LRFN2: variants seen among roughly 807,000 people sequenced by gnomAD.
The protein encoded by LRFN2 is leucine-rich repeat and fibronectin type-III domain-containing protein 2.
A neutral mutation model predicts 37.3 loss-of-function variants in LRFN2; 18 were observed. The ratio of observed to expected loss-of-function variants is 0.48; its 90% CI spans 0.33 to 0.72. The LOEUF is 0.72. Among genes scored for constraint, LRFN2 ranks in the 30% least tolerant of loss-of-function variants. The probability of loss-of-function intolerance (pLI) is 0.02; values close to 1 mark genes in which losing one functional copy is unlikely to be tolerated. For missense variants in LRFN2, 1,006 were observed against 1,060.7 expected, an observed-to-expected ratio of 0.95 and a Z score of 0.72; for synonymous variants, 556 against 466.6, an observed-to-expected ratio of 1.19 and a Z score of -2.47.
Position 40,392,737 on chromosome 6 carries a change from G to A in LRFN2, c.1576C>T (p.His526Tyr), listed in dbSNP as rs768550884. The part of the protein sequence containing the change: ...KADYPQCQSM[H>Y]SQILGGTMIL... ...ATGGTGCCGCCCAGAATCTGGCTGT[G>A]CATGGACTGGCACTGCGGGTAGTCA... Residue 526 changes from histidine to tyrosine, a missense_variant, in exon 3 of 3, where the codon CAC (histidine) becomes TAC (tyrosine). Transcript: ENST00000338305. This position sits in a 1 kb window ranked among gnomAD's most constrained non-coding sequence, Gnocchi z 4.7. 1.2e-6 allele frequency: 2 copies of A among 1,614,148 alleles called. No homozygotes were observed. The highest frequency in any genetic ancestry group is 1.6e-4 in the Middle Eastern group (1 of 6,062).
At chr6:40,394,432 A>G (rs1020511649) in intron 2 of LRFN2, among the ~76,000 whole-genome samples, 4 of 152,058 alleles carry the variant, frequency 2.6e-5, no homozygotes, top group Non-Finnish European at 5.9e-5. Context: ...CAACCCCTCA[A>G]ACCTGGAGCT....
chr6:40,435,078 G>C (rs1434549655), intron 1 of LRFN2, among the ~76,000 whole-genome samples: 2 of 136,500 alleles, frequency 1.5e-5, no homozygotes, highest in Non-Finnish European at 3.1e-5. Context: ...GAGAGAGAGA[G>C]AGAGAGAGAG....
chr6:40,501,122 C>A (rs193136710), intron 1 of LRFN2, among the ~76,000 whole-genome samples: 2 of 151,328 alleles, frequency 1.3e-5, no homozygotes, highest in Admixed American at 6.6e-5. Flanking sequence ...TCTCTTCATA[C>A]GCAGGTCATA....
At chr6:40,442,148 A>G (rs1443648913) in intron 1 of LRFN2, among the ~76,000 whole-genome samples, 1 of 152,162 alleles carries the variant, frequency 6.6e-6, no homozygotes, top group African/African-American at 2.4e-5. Flanking sequence ...CCCTTTCCCT[A>G]GTACCCATCC....
intron 2 of LRFN2, among the ~76,000 whole-genome samples, chr6:40,409,130 C>G (rs1442280571): frequency 6.6e-6 from 1 of 152,234 alleles, no homozygotes; most frequent in Non-Finnish European, 1.5e-5. Flanking sequence ...AGCATTCAAA[C>G]TATTGCACCC....
chr6:40,556,117 C>T (rs181441014), intron 1 of LRFN2, among the ~76,000 whole-genome samples: 140 of 152,294 alleles, frequency 9.2e-4, no homozygotes, highest in African/African-American at 3.2e-3. Context: ...GGAAAGCCCC[C>T]GCACCATGCT....
intron 1 of LRFN2, among the ~76,000 whole-genome samples, chr6:40,478,791 G>C (rs1581736837): frequency 6.6e-6 from 1 of 152,336 alleles, no homozygotes; most frequent in South Asian, 2.1e-4. Context: ...CATATGTGTA[G>C]TGTGTGAGGC....
chr6:40,398,435 G>A (rs956063355), intron 2 of LRFN2, among the ~76,000 whole-genome samples: 2 of 151,816 alleles, frequency 1.3e-5, no homozygotes, highest in Admixed American at 1.3e-4. Context: ...CTGCATGGCT[G>A]AACCAAACCG....
intron 1 of LRFN2, chr6:40,502,415 C>G (rs142933795): frequency 2.6e-5 from 4 of 152,136 alleles, no homozygotes; most frequent in Non-Finnish European, 5.9e-5. Context: ...ATAAAAGACA[C>G]GAAGGCTGAA....
intron 1 of LRFN2, among the ~76,000 whole-genome samples, chr6:40,505,628 T>C (rs1382318485): frequency 6.6e-6 from 1 of 152,178 alleles, no homozygotes; most frequent in Non-Finnish European, 1.5e-5. Context: ...CCGCTACCCC[T>C]CATCGTGGGG....
intron 1 of LRFN2, among the ~76,000 whole-genome samples, chr6:40,444,380 G>C (rs1561858530): frequency 6.6e-6 from 1 of 152,234 alleles, no homozygotes; most frequent in East Asian, 1.9e-4. Flanking sequence ...ATTCAATTTG[G>C]TTTTGCCATT....
chr6:40,402,355 TCTTC>T (rs1345490431), intron 2 of LRFN2, among the ~76,000 whole-genome samples: 1 of 152,222 alleles, frequency 6.6e-6, no homozygotes, highest in Non-Finnish European at 1.5e-5. Flanking sequence ...CGGAGCATGA[TCTTC>T]CCTATGCTGT....
At position 40,432,202 on chromosome 6, in the gene LRFN2, C is replaced by T; in HGVS notation, c.912G>A (p.Gln304=). 1.2e-6 allele frequency: 2 copies of T among 1,613,854 alleles called. No homozygotes were observed. Among genetic ancestry groups the T allele is most frequent in the Non-Finnish European group, 1.7e-6 (2 of 1,180,036 alleles). ...HTHKLLVLEG[Q]AATLKCKAIG... ...TGGCTTTGCACTTGAGTGTGGCCGC[C>T]TGGCCCTCCAGAACCAGCAACTTGT... The change falls in exon 2 of 3, where the codon CAG becomes CAA. Residue 304 remains glutamine, a synonymous_variant. Transcript: ENST00000338305.
chr6:40,506,774 C>T lies in LRFN2; in HGVS notation c.-18-73643G>A, dbSNP rs147344582. ...TTTAAGAAGGAGCCCAGGATAGGGA[C>T]GGTGGGAATTCATTGACCAGGAGTT... On this transcript the variant is annotated intron_variant, in intron 1 of 2. Transcript: ENST00000338305. 2.3e-4 allele frequency among the ~76,000 whole-genome samples: 35 copies of T among 152,220 alleles called. No individual in the cohort carries two copies. The East Asian group carries it at 4.3e-3, about 18-fold the overall frequency.
chr6:40,464,702 G>A (rs1432319516), intron 1 of LRFN2, among the ~76,000 whole-genome samples: 2 of 152,116 alleles, frequency 1.3e-5, no homozygotes, highest in African/African-American at 4.8e-5. Context: ...CCAAGCACAT[G>A]TGACTCTGCC....
chr6:40,443,179 G>T (rs187101753), intron 1 of LRFN2, among the ~76,000 whole-genome samples: 17 of 152,270 alleles, frequency 1.1e-4, no homozygotes, highest in African/African-American at 3.6e-4. Flanking sequence ...GTCTATCCTT[G>T]GCTTTGGGAC....
chr6:40,522,832 T>A (rs1286888883), intron 1 of LRFN2, among the ~76,000 whole-genome samples: 1 of 152,236 alleles, frequency 6.6e-6, no homozygotes, highest in Non-Finnish European at 1.5e-5. Flanking sequence ...CAGCCACTCA[T>A]GCCTTCCCTG....
At chr6:40,439,543 G>T (rs1447191024) in intron 1 of LRFN2, among the ~76,000 whole-genome samples, 1 of 152,154 alleles carries the variant, frequency 6.6e-6, no homozygotes, top group Non-Finnish European at 1.5e-5. Flanking sequence ...GGAGTTGCTG[G>T]GGGTGAATGC....
intron 1 of LRFN2, among the ~76,000 whole-genome samples, chr6:40,586,715 AC>A (rs1230010211): frequency 6.6e-6 from 1 of 151,314 alleles, no homozygotes; most frequent in Non-Finnish European, 1.5e-5. Context: ...CCAGAGTTTC[AC>A]CCCCACTGTA....
Sources: allele counts gnomAD v4.1 joint callset (sites outside exome capture counted in the v4.1 genomes callset), GRCh38; gene constraint gnomAD v4.1.1; non-coding constraint Gnocchi (gnomAD v3.1); transcripts MANE v1.5; gene names NCBI Gene and HGNC (gene_info 2026-07-23, HGNC 2026-07-21).